Variants in CYRIB observed in about 807,000 individuals in gnomAD.
CYRIB encodes CYFIP related Rac1 interactor B, also known as CYFIP-related Rac1 interactor B.
CYRIB carries 8 observed loss-of-function variants against 44.2 expected under a neutral mutation model. The ratio of observed to expected loss-of-function variants is 0.18; its 90% CI spans 0.11 to 0.33. CYRIB has a LOEUF of 0.33. Ranked by LOEUF, CYRIB falls within the 10% of genes least tolerant of loss-of-function variation. The pLI is 1.00. For synonymous variants in CYRIB, 131 were observed against 127.2 expected (o/e 1.03, Z -0.20); for missense variants, 185 against 382.8 (o/e 0.48, Z 4.31).
intron 2 of CYRIB, among the ~76,000 whole-genome samples, chr8:129,953,946 C>T (rs2131421109): frequency 6.6e-6 from 1 of 152,254 alleles, no homozygotes; most frequent in East Asian, 1.9e-4. Context: ...CTCACAGTCA[C>T]TTTTTGAGGC....
At chr8:129,965,728 A>G (rs2095451510) in intron 2 of CYRIB, among the ~76,000 whole-genome samples, 2 of 151,842 alleles carry the variant, frequency 1.3e-5, no homozygotes, top group Non-Finnish European at 1.5e-5. Context: ...CCCAGGAGGC[A>G]GAGCTTGCAG....
chr8:129,956,258 C>A (rs751958575), intron 2 of CYRIB, among the ~76,000 whole-genome samples: 4 of 152,144 alleles, frequency 2.6e-5, no homozygotes, highest in African/African-American at 4.8e-5. Context: ...TCCATTATCC[C>A]CACCCCTTCT....
chr8:129,930,090 A>T (rs2090330382), intron 1 of CYRIB, among the ~76,000 whole-genome samples: 1 of 151,846 alleles, frequency 6.6e-6, no homozygotes, highest in African/African-American at 2.4e-5. Context: ...GCATGCCTGT[A>T]ATCCCAGCTA....
At position 129,874,934 on chromosome 8, in the gene CYRIB, T is replaced by C. The variant is rs191934729; in HGVS notation, c.74-3438A>G. Among the ~76,000 whole-genome samples, 555 of 152,274 alleles carry C rather than the reference T, an allele frequency of 3.6e-3. 4 individuals are homozygous for C. The highest frequency in any genetic ancestry group is 0.013 in the African/African-American group (538 of 41,560). On this transcript the variant is annotated intron_variant, in intron 3 of 11. Transcript: ENST00000519824. Reference sequence around the variant, plus strand: ...TGCATGACTCAATGGAAAGGCACTATAACAGAATCAGAGAAAATATACTCT... The same window carrying C: ...TGCATGACTCAATGGAAAGGCACTACAACAGAATCAGAGAAAATATACTCT...
At chr8:129,926,954 C>T (rs1245190963) in intron 1 of CYRIB, among the ~76,000 whole-genome samples, 1 of 152,208 alleles carries the variant, frequency 6.6e-6, no homozygotes, top group Non-Finnish European at 1.5e-5. Flanking sequence ...AAGTTCTACA[C>T]ATAATGTGCT....
chr8:129,895,637 C>T (rs376427167), intron 2 of CYRIB, among the ~76,000 whole-genome samples: 2 of 152,054 alleles, frequency 1.3e-5, no homozygotes, highest in East Asian at 1.9e-4. Flanking sequence ...TACATAAATT[C>T]ATTTTCTGTT....
chr8:129,971,046 C>T (rs1474708381), intron 1 of CYRIB, 51 bp from the exon 2 acceptor site: 1 of 152,232 alleles, frequency 6.6e-6, no homozygotes, highest in Admixed American at 6.5e-5. Flanking sequence ...GTTCTCAGTA[C>T]ACAGAAAGCC....
chr8:129,961,783 G>T (rs1216281692), intron 2 of CYRIB, among the ~76,000 whole-genome samples: 1 of 152,174 alleles, frequency 6.6e-6, no homozygotes, highest in Non-Finnish European at 1.5e-5. Context: ...AGTACAGTCT[G>T]CTGGCTATGC....
At chr8:129,930,845 T>C (rs2091000294) in intron 1 of CYRIB, among the ~76,000 whole-genome samples, 1 of 152,156 alleles carries the variant, frequency 6.6e-6, no homozygotes, top group Non-Finnish European at 1.5e-5. Context: ...GAGAACTAGC[T>C]CCACAGCAAG....
In CYRIB at chr8:129,887,423, A is replaced by G. The variant is rs187895746; in HGVS notation, c.-10-7952T>C. On this transcript the variant is annotated intron_variant, in intron 2 of 11. Coordinates refer to ENST00000519824, the Ensembl canonical transcript of CYRIB. ...GATGTTCAGGCAGAAGGTACACTGC[A>G]GGGGCAGAGCCCTCATGGAGAACCT... Among the ~76,000 whole-genome samples, 22 of 152,364 alleles carry G rather than the reference A, an allele frequency of 1.4e-4. No individual in the cohort carries two copies. In the East Asian group the frequency reaches 2.9e-3, roughly 20 times the overall value.
At chr8:129,875,453 C>T (rs747263921) in intron 3 of CYRIB, among the ~76,000 whole-genome samples, 1 of 152,006 alleles carries the variant, frequency 6.6e-6, no homozygotes, top group Admixed American at 6.6e-5. Flanking sequence ...TCAAGTGATC[C>T]TTTTGCTGTG....
intron 2 of CYRIB, among the ~76,000 whole-genome samples, chr8:129,887,784 C>G (rs298618): frequency 0.55 from 83,434 of 152,144 alleles, 23,360 homozygotes; most frequent in African/African-American, 0.65. Flanking sequence ...AGATGTGTAT[C>G]AGGCTTAAAG....
intron 1 of CYRIB, among the ~76,000 whole-genome samples, chr8:129,979,900 G>A (rs1053243948): frequency 3.6e-4 from 55 of 152,224 alleles, no homozygotes; most frequent in African/African-American, 1.1e-3. Context: ...CAACCTGGAT[G>A]ACAAGAGCAA....
chr8:129,903,949 C>T (rs1450674579), intron 1 of CYRIB, among the ~76,000 whole-genome samples: 2 of 152,104 alleles, frequency 1.3e-5, no homozygotes, highest in Non-Finnish European at 2.9e-5. Context: ...AAGAGGGTCT[C>T]GCTATTTTGC....
intron 1 of CYRIB, among the ~76,000 whole-genome samples, chr8:129,993,948 T>C (rs1314580498): frequency 6.6e-6 from 1 of 152,068 alleles, no homozygotes; most frequent in Non-Finnish European, 1.5e-5. Flanking sequence ...CATCATCCAG[T>C]TGTGTGTCTC....
chr8:129,890,948 G>C (rs2134810468), intron 2 of CYRIB, among the ~76,000 whole-genome samples: 1 of 151,370 alleles, frequency 6.6e-6, no homozygotes, highest in East Asian at 1.9e-4. Flanking sequence ...GAGAAGAGAA[G>C]AGAAAGCAAG....
At chr8:129,850,954 A>G in intron 8 of CYRIB, 40 bp from the exon 11 acceptor site, 1 of 1,277,516 alleles carries the variant, frequency 7.8e-7, no homozygotes, top group South Asian at 1.2e-5. Flanking sequence ...TAAAAGTAAC[A>G]AACGTTATTA....
chr8:129,914,176 A>C (rs751138481), intron 1 of CYRIB, among the ~76,000 whole-genome samples: 9 of 152,202 alleles, frequency 5.9e-5, no homozygotes, highest in Non-Finnish European at 1.3e-4. Flanking sequence ...ACTGAAGGAG[A>C]GGATTTGCCA....
At chr8:129,958,232 G>T (rs2094989788) in intron 2 of CYRIB, among the ~76,000 whole-genome samples, 1 of 152,010 alleles carries the variant, frequency 6.6e-6, no homozygotes, top group Non-Finnish European at 1.5e-5. Flanking sequence ...TGAGGTTGGG[G>T]GACCTATGAA....
Sources: gnomAD v4.1 joint callset for allele counts (sites outside exome capture counted in the v4.1 genomes callset) on GRCh38, gnomAD v4.1.1 for gene constraint, MANE v1.5 for transcripts, NCBI Gene and HGNC (gene_info 2026-07-23, HGNC 2026-07-21) for gene names.